The following DNAH14 variants were observed in gnomAD, a reference collection of about 807,000 sequenced individuals.
DNAH14 encodes axonemal beta dynein heavy chain 14.
Under a neutral mutation model 520.9 loss-of-function variants are expected in DNAH14, and 478 were observed. The observed-to-expected ratio is 0.92, with a 90% confidence interval of 0.85 to 0.99. The LOEUF is 0.99. Ranked by LOEUF, DNAH14 falls within the 50% of genes least tolerant of loss-of-function variation. DNAH14 has a pLI of 0.00. For synonymous variants in DNAH14, 1,581 were observed against 1,757.2 expected (o/e 0.90, Z 2.51); for missense variants, 4,831 against 5,234.5 (o/e 0.92, Z 2.38).
intron 1 of DNAH14, among the ~76,000 whole-genome samples, chr1:224,935,530 A>C (rs1427111406): frequency 6.6e-6 from 1 of 151,896 alleles, no homozygotes; most frequent in Admixed American, 6.6e-5. Flanking sequence ...AAGATACAAC[A>C]GTTCTAAATA....
chr1:225,093,232 A>G (rs1170036433), intron 21 of DNAH14, among the ~76,000 whole-genome samples: 1 of 151,892 alleles, frequency 6.6e-6, no homozygotes, highest in Non-Finnish European at 1.5e-5. Flanking sequence ...AAACATGCAC[A>G]TAAAAATACT....
At chr1:225,280,590 G>T (rs1201857431) in intron 54 of DNAH14, among the ~76,000 whole-genome samples, 1 of 148,714 alleles carries the variant, frequency 6.7e-6, no homozygotes, top group Non-Finnish European at 1.5e-5. Flanking sequence ...CAAAGTGAGA[G>T]TCCATCTCAA....
At chr1:225,195,947 TA>T (rs1246609349) in intron 38 of DNAH14, among the ~76,000 whole-genome samples, 2 of 152,084 alleles carry the variant, frequency 1.3e-5, no homozygotes, top group Non-Finnish European at 2.9e-5. Context: ...TGGAATTTAT[TA>T]AAAAATAAAA....
chr1:224,946,774 GT>G (rs901439103), intron 1 of DNAH14, among the ~76,000 whole-genome samples: 1 of 147,724 alleles, frequency 6.8e-6, no homozygotes, highest in Non-Finnish European at 1.5e-5. Context: ...CTTTGTCCTT[GT>G]TTTGTTTGTA....
chr1:225,247,152 C>A (rs1419337462), intron 43 of DNAH14, among the ~76,000 whole-genome samples: 2 of 151,788 alleles, frequency 1.3e-5, no homozygotes, highest in African/African-American at 4.8e-5. Context: ...TGCATGTTCT[C>A]ATTCATAAAT....
chr1:225,107,163 G>A (rs891573439), intron 23 of DNAH14, among the ~76,000 whole-genome samples: 2 of 152,158 alleles, frequency 1.3e-5, no homozygotes, highest in Non-Finnish European at 2.9e-5. Flanking sequence ...GTTTGCCTGG[G>A]TATCAGCAGC....
Position 225,300,743 on chromosome 1 carries a change from A to T in DNAH14, c.8470-126A>T, listed in dbSNP as rs1451271958. ...GGGGGTGGGGGAGATTAGCTTTAAA[A>T]AAAAAAATCACTTAGCCTCAGTTCT... On this transcript the variant is annotated intron_variant, in intron 55 of 85. Transcript: ENST00000682510. 8 of 1,063,862 alleles carry T rather than the reference A, an allele frequency of 7.5e-6. No homozygotes were observed. The African/African-American group carries it at 1.1e-4, about 15-fold the overall frequency. 65.9% of individuals were successfully genotyped at this position (1,063,862 alleles called of 1,614,324 possible).
intron 21 of DNAH14, among the ~76,000 whole-genome samples, chr1:225,089,701 C>T (rs555916771): frequency 2.7e-4 from 41 of 152,038 alleles, no homozygotes; most frequent in Admixed American, 1.2e-3. Flanking sequence ...TACAATTTGC[C>T]ATATTAAACA....
In DNAH14 at chr1:225,159,357, G is replaced by A; in HGVS notation, c.5317G>A (p.Val1773Ile). ...SLSEADETLI[V>I]IEAIREASLP... ...TTCTGAAGCAGATGAAACCTTGATT[G>A]TTATCGAGGCTATAAGAGAAGCTAG... Residue 1773 changes from valine (V) to isoleucine (I), a missense_variant, in exon 35 of 86, where the codon GTT (valine) becomes ATT (isoleucine). Coordinates refer to ENST00000682510, the MANE Select transcript of DNAH14 (RefSeq NM_001367479.1). 1 of 1,551,458 alleles carries A rather than the reference G, an allele frequency of 6.4e-7. No individual in the cohort carries two copies. Among genetic ancestry groups the A allele is most frequent in the South Asian group, 1.2e-5 (1 of 83,802 alleles).
intron 84 of DNAH14, 43 bp downstream of exon 84, chr1:225,392,494 CA>C: frequency 6.5e-7 from 1 of 1,545,732 alleles, no homozygotes; most frequent in Non-Finnish European, 8.7e-7. Flanking sequence ...ATCATTCATT[CA>C]TTCATTTATT....
intron 84 of DNAH14, among the ~76,000 whole-genome samples, chr1:225,393,964 G>A (rs1171716976): frequency 2.0e-5 from 3 of 151,762 alleles, no homozygotes; most frequent in South Asian, 2.1e-4. Context: ...GACTACAGGC[G>A]CCCACCACCA....
chr1:225,011,848 GC>G, intron 10 of DNAH14, among the ~76,000 whole-genome samples: 1 of 131,966 alleles, frequency 7.6e-6, no homozygotes, highest in Non-Finnish European at 1.5e-5. Flanking sequence ...GTGTGTCTTT[GC>G]ACGTGAGATG....
chr1:225,192,946 C>G lies in DNAH14; in HGVS notation c.5886+35C>G, dbSNP rs965181106. The G allele has an allele frequency of 3.5e-6, 5 of 1,441,846 alleles. No homozygotes were observed. In the African/African-American group the frequency reaches 7.1e-5, roughly 20 times the overall value. 89.3% of individuals were successfully genotyped at this position (1,441,846 alleles called of 1,614,324 possible). A position where few individuals can be genotyped will look rare whatever the true frequency, so the allele number is the denominator to read the frequency against. ...GTATTGAATGAATGTTTTTATTTAA[C>G]TAATGTGGATTATTTAATTGCTTAT... On this transcript the variant is annotated intron_variant, in intron 38 of 85. Transcript: ENST00000682510.
intron 75 of DNAH14, among the ~76,000 whole-genome samples, chr1:225,363,510 T>G (rs2095516691): frequency 6.6e-6 from 1 of 152,186 alleles, no homozygotes; most frequent in Non-Finnish European, 1.5e-5. Context: ...GCTGGAACTA[T>G]GGGTGCATGC....
chr1:224,940,165 G>A (rs147540619), intron 1 of DNAH14, among the ~76,000 whole-genome samples: 1 of 152,258 alleles, frequency 6.6e-6, no homozygotes, highest in African/African-American at 2.4e-5. Flanking sequence ...ATTCCATGTG[G>A]CTGATTTGGG....
intron 60 of DNAH14, among the ~76,000 whole-genome samples, chr1:225,313,511 T>C (rs2094410900): frequency 6.6e-6 from 1 of 152,222 alleles, no homozygotes. Flanking sequence ...CTTGCTTCTC[T>C]AGTTCTTTTA....
chr1:225,043,044 A>G lies in DNAH14; in HGVS notation c.1698A>G (p.Ser566=), dbSNP rs1558768333. 3.9e-6 allele frequency: 6 copies of G among 1,551,722 alleles called. No homozygotes were observed. Among genetic ancestry groups the G allele is most frequent in the Non-Finnish European group, 4.4e-6 (5 of 1,147,002 alleles). Residue 566 remains serine (S), a synonymous_variant, in exon 13 of 86, where the codon TCA becomes TCG. Coordinates refer to ENST00000682510, the MANE Select transcript of DNAH14 (RefSeq NM_001367479.1). The part of the protein sequence containing the change: ...ENKDNCVKKH[S]SEELLPKAKK... Reference sequence around the variant, plus strand: ...AAGACAATTGTGTCAAAAAACACTCAAGTGAAGAATTGCTCCCAAAAGCCA... The same window carrying G: ...AAGACAATTGTGTCAAAAAACACTCGAGTGAAGAATTGCTCCCAAAAGCCA...
At chr1:225,225,543 T>C (rs2090457014) in intron 41 of DNAH14, among the ~76,000 whole-genome samples, 1 of 152,018 alleles carries the variant, frequency 6.6e-6, no homozygotes, top group African/African-American at 2.4e-5. Context: ...GTAGAACGTG[T>C]CCATTCCATT....
At chr1:225,257,762 C>G (rs913181645) in intron 44 of DNAH14, among the ~76,000 whole-genome samples, 198 bp from the exon 45 acceptor site, 5 of 151,948 alleles carry the variant, frequency 3.3e-5, no homozygotes, top group Admixed American at 6.5e-5. Context: ...GTCTCGATCT[C>G]CTGAACTCCT....
Sources: allele counts gnomAD v4.1 joint callset (sites outside exome capture counted in the v4.1 genomes callset), GRCh38; gene constraint gnomAD v4.1.1; transcripts MANE v1.5; gene names NCBI Gene and HGNC (gene_info 2026-07-23, HGNC 2026-07-21).